Variants in DNASE2B observed in about 807,000 individuals in gnomAD.
DNASE2B encodes deoxyribonuclease-2-beta.
Under a neutral mutation model 46.0 loss-of-function variants are expected in DNASE2B, and 43 were observed. The ratio of observed to expected loss-of-function variants is 0.94; its 90% confidence interval spans 0.73 to 1.21. DNASE2B has a LOEUF of 1.21. Ranked by LOEUF, DNASE2B falls within the 50% of genes most tolerant of loss-of-function variation. The pLI is 0.00. For missense variants in DNASE2B, 395 were observed against 414.4 expected (o/e 0.95, Z 0.41); for synonymous variants, 156 against 152.5 (o/e 1.02, Z -0.17).
intron 2 of DNASE2B, among the ~76,000 whole-genome samples, chr1:84,405,796 G>C (rs980429437): frequency 6.6e-6 from 1 of 152,092 alleles, no homozygotes. Flanking sequence ...TATTACAGTA[G>C]TACAGTATTA....
At chr1:84,413,922 G>C (rs1382031288) in intron 5 of DNASE2B, among the ~76,000 whole-genome samples, 2 of 152,092 alleles carry the variant, frequency 1.3e-5, no homozygotes, top group East Asian at 3.8e-4. Flanking sequence ...GTCAGTTCCA[G>C]ATCCTTAATA....
In DNASE2B at chr1:84,398,829, G is replaced by A. The variant is rs936296088; in HGVS notation, c.125+140G>A. 106 of 1,312,896 alleles carry A rather than the reference G, an allele frequency of 8.1e-5. 1 individual carries two copies. The highest frequency in any genetic ancestry group is 2.8e-4 in the Middle Eastern group (1 of 3,534). 81.3% of individuals were successfully genotyped at this position (1,312,896 alleles called of 1,614,324 possible). A position where few individuals can be genotyped will look rare whatever the true frequency, so the allele number is the denominator to read the frequency against. On this transcript the variant is annotated intron_variant, in intron 1 of 5. Transcript: ENST00000370665. ...TAAAGGAAGTTAAAGTGTGCAAATCGGCCAAACTCCCAGGCAGGGGTAGGC... is the reference window on the plus strand; with the variant it reads ...TAAAGGAAGTTAAAGTGTGCAAATCAGCCAAACTCCCAGGCAGGGGTAGGC...
At chr1:84,406,699 G>A (rs1020842799) in intron 2 of DNASE2B, among the ~76,000 whole-genome samples, 7 of 152,178 alleles carry the variant, frequency 4.6e-5, no homozygotes, top group Non-Finnish European at 1.0e-4. Context: ...GTGATATCCA[G>A]GTATGACTCA....
chr1:84,408,371 T>C, intron 2 of DNASE2B, 66 bp from the exon 3 acceptor site: 1 of 1,526,424 alleles, frequency 6.6e-7, no homozygotes, highest in Non-Finnish European at 8.8e-7. Context: ...GGGTAGCTGG[T>C]AGAAATGTTG....
intron 1 of DNASE2B, among the ~76,000 whole-genome samples, chr1:84,400,197 C>A (rs753190185): frequency 5.9e-5 from 9 of 152,014 alleles, no homozygotes; most frequent in Non-Finnish European, 1.2e-4. Flanking sequence ...GGAGAAACCC[C>A]ATCTTTACTA....
intron 2 of DNASE2B, among the ~76,000 whole-genome samples, chr1:84,404,205 T>C (rs1362748432): frequency 6.6e-6 from 1 of 152,170 alleles, no homozygotes; most frequent in Non-Finnish European, 1.5e-5. Flanking sequence ...TCTGGTTCCA[T>C]TGAGTTATGT....
At chr1:84,406,738 C>T (rs1056589414) in intron 2 of DNASE2B, among the ~76,000 whole-genome samples, 2 of 152,126 alleles carry the variant, frequency 1.3e-5, no homozygotes, top group African/African-American at 4.8e-5. Context: ...AATTATGTGC[C>T]AGAAGTGACT....
intron 2 of DNASE2B, among the ~76,000 whole-genome samples, chr1:84,403,762 T>C (rs1437190977): frequency 6.6e-6 from 1 of 152,064 alleles, no homozygotes; most frequent in Non-Finnish European, 1.5e-5. Flanking sequence ...GAAGGGTTCA[T>C]GTTGTAAAAG....
In DNASE2B at chr1:84,414,818, A is replaced by G; in HGVS notation, c.1036A>G (p.Ile346Val). ...GGFICTQNWQ[I>V]YQAFQGLVLY... ...ATTCATTTGTACCCAGAATTGGCAA[A>G]TTTACCAAGCATTTCAAGGATTAGT... Residue 346 changes from isoleucine to valine, a missense_variant, in exon 6 of 6, where the codon ATT (isoleucine) becomes GTT (valine). By Grantham distance (29) the Ile-to-Val change is conservative. Coordinates refer to ENST00000370665, the MANE Select transcript of DNASE2B (RefSeq NM_021233.3). The G allele has an allele frequency of 6.2e-7, 1 of 1,614,140 alleles. No homozygotes were observed. The highest frequency in any genetic ancestry group is 8.5e-7 in the Non-Finnish European group (1 of 1,180,018).
intron 4 of DNASE2B, 86 bp downstream of exon 4, chr1:84,411,085 T>A (rs1416120952): frequency 7.0e-7 from 1 of 1,427,032 alleles, no homozygotes; most frequent in Non-Finnish European, 9.6e-7. Context: ...TCACTTCATT[T>A]GTTAATCTAT....
intron 4 of DNASE2B, 112 bp from the exon 5 acceptor site, chr1:84,412,237 C>A: frequency 1.0e-6 from 1 of 976,084 alleles, no homozygotes; most frequent in African/African-American, 1.7e-5. Flanking sequence ...GAAAGAAATG[C>A]CTTTGTTTTT....
At chr1:84,413,831 C>T (rs1176446099) in intron 5 of DNASE2B, among the ~76,000 whole-genome samples, 1 of 152,204 alleles carries the variant, frequency 6.6e-6, no homozygotes, top group Non-Finnish European at 1.5e-5. Flanking sequence ...TACAAATCTA[C>T]TTTTTCTTGT....
At chr1:84,412,318 C>A in intron 4 of DNASE2B, 31 bp from the exon 5 acceptor site, 1 of 1,464,222 alleles carries the variant, frequency 6.8e-7, no homozygotes, top group Non-Finnish European at 9.1e-7. Context: ...TGTCTTAATT[C>A]TCAACTTTTC....
chr1:84,400,368 CA>C (rs879865841), intron 1 of DNASE2B, among the ~76,000 whole-genome samples: 3 of 146,846 alleles, frequency 2.0e-5, no homozygotes, highest in Non-Finnish European at 3.0e-5. Flanking sequence ...GACTCCGTCT[CA>C]AAAAAAAACA....
chr1:84,411,466 G>C (rs1482422051), intron 4 of DNASE2B, among the ~76,000 whole-genome samples: 1 of 138,048 alleles, frequency 7.2e-6, no homozygotes, highest in African/African-American at 2.8e-5. Context: ...GTGTGTGTGT[G>C]TGTGTGTGTG....
intron 4 of DNASE2B, 114 bp from the exon 5 acceptor site, chr1:84,412,235 T>C (rs1570307330): frequency 1.0e-6 from 1 of 969,132 alleles, no homozygotes; most frequent in East Asian, 2.9e-5. Context: ...AAGAAAGAAA[T>C]GCCTTTGTTT....
In DNASE2B at chr1:84,398,657, A is replaced by T; in HGVS notation, c.93A>T (p.Ser31=). 3 of 1,613,916 alleles carry T rather than the reference A, an allele frequency of 1.9e-6. No individual in the cohort carries two copies. The South Asian group carries it at 3.3e-5, about 18-fold the overall frequency. The part of the protein sequence containing the change: ...LFGVLGAATI[S]CRNEEGKAVD... ...GGGTGCTGGGGGCAGCAACAATTTC[A>T]TGCAGAAATGAAGAAGGGAAAGCTG... The change falls in exon 1 of 6, where the codon TCA becomes TCT. Residue 31 remains serine, a synonymous_variant. Transcript: ENST00000370665.
intron 3 of DNASE2B, 92 bp downstream of exon 3, chr1:84,408,610 T>G: frequency 9.8e-7 from 1 of 1,023,584 alleles, no homozygotes; most frequent in Admixed American, 3.1e-5. Flanking sequence ...CCATACTAAA[T>G]AGATAGCCTT....
At chr1:84,411,117 G>C in intron 4 of DNASE2B, 118 bp downstream of exon 4, 4 of 1,234,012 alleles carry the variant, frequency 3.2e-6, no homozygotes, top group Non-Finnish European at 4.5e-6. Context: ...CTGATACCTA[G>C]ATTCTAATAC....
Sources: gnomAD v4.1 joint callset for allele counts (sites outside exome capture counted in the v4.1 genomes callset) on GRCh38, gnomAD v4.1.1 for gene constraint, MANE v1.5 for transcripts, NCBI Gene and HGNC (gene_info 2026-07-23, HGNC 2026-07-21) for gene names.